Variants in ULK2 observed in about 807,000 individuals in gnomAD.
The protein encoded by ULK2 is serine/threonine-protein kinase ULK2.
Under a neutral mutation model 127.5 loss-of-function variants are expected in ULK2, and 76 were observed. The ratio of observed to expected loss-of-function variants is 0.60; its 90% confidence interval spans 0.50 to 0.72. The LOEUF (loss-of-function observed/expected upper bound fraction) is 0.72. Ranked by LOEUF, ULK2 falls within the 30% of genes least tolerant of loss-of-function variation. The probability of loss-of-function intolerance (pLI) is 0.00; values close to 1 mark genes in which losing one functional copy is unlikely to be tolerated. For synonymous variants in ULK2, 452 were observed against 461.9 expected (o/e 0.98, Z 0.28); for missense variants, 1,144 against 1,295.9 (o/e 0.88, Z 1.80).
chr17:19,779,531 C>CAAAAA (rs55957234), intron 25 of ULK2, among the ~76,000 whole-genome samples: 5 of 67,980 alleles, frequency 7.4e-5, no homozygotes, highest in African/African-American at 1.2e-4. Context: ...AACTCCATCT[C>CAAAAA]AAAAAAAAAA....
intron 20 of ULK2, among the ~76,000 whole-genome samples, chr17:19,791,010 A>G (rs1287502786): frequency 6.6e-6 from 1 of 152,220 alleles, no homozygotes; most frequent in Non-Finnish European, 1.5e-5. Flanking sequence ...ATATAAAGCA[A>G]ATATTGTTAG....
intron 3 of ULK2, among the ~76,000 whole-genome samples, chr17:19,850,853 C>T (rs2041998461): frequency 1.3e-5 from 2 of 151,570 alleles, no homozygotes; most frequent in Non-Finnish European, 2.9e-5. Context: ...ATAGATAGGT[C>T]TAGATCGATC....
chr17:19,812,541 A>G (rs2087666278), intron 13 of ULK2, among the ~76,000 whole-genome samples: 1 of 152,218 alleles, frequency 6.6e-6, no homozygotes, highest in African/African-American at 2.4e-5. Flanking sequence ...CACAAAGCCT[A>G]TTTTATGAAG....
Position 19,777,683 on chromosome 17 carries a change from G to C in ULK2, c.2950C>G (p.Gln984Glu). 1 of 1,613,916 alleles carries C rather than the reference G, an allele frequency of 6.2e-7. No homozygotes were observed. The highest frequency in any genetic ancestry group is 1.6e-4 in the Middle Eastern group (1 of 6,062). ...TAGCGATAAACAATATCTTCGGTCT[G>C]CTGAAACATCTCATCCAGGGCTGCA... ...QSAALDEMFQ[Q>E]TEDIVYRYHK... The change falls in exon 26 of 27, where the codon CAG (glutamine) becomes GAG (glutamate). Residue 984 changes from glutamine (Q) to glutamate (E), a missense_variant. Gln to Glu is a conservative substitution (Grantham distance 29). Coordinates refer to ENST00000395544, the MANE Select transcript of ULK2 (RefSeq NM_014683.4).
Position 19,859,829 on chromosome 17 carries a change from G to A in ULK2, c.225+4974C>T, listed in dbSNP as rs114464618. Among the ~76,000 whole-genome samples the A allele has an allele frequency of 9.5e-3, 1,445 of 152,094 alleles. 24 individuals are homozygous for A. Among genetic ancestry groups the A allele is most frequent in the African/African-American group, 0.032 (1,339 of 41,502 alleles). On this transcript the variant is annotated intron_variant, in intron 3 of 26. Coordinates refer to ENST00000395544, the MANE Select transcript of ULK2 (RefSeq NM_014683.4). Reference sequence around the variant, plus strand: ...CAAGTAGCTGGGATCACAGGTATGCGCCACCACATCTGGCTAACTTTATTT... The same window carrying A: ...CAAGTAGCTGGGATCACAGGTATGCACCACCACATCTGGCTAACTTTATTT...
intron 21 of ULK2, among the ~76,000 whole-genome samples, chr17:19,784,731 GC>G (rs1380044303): frequency 6.6e-6 from 1 of 151,648 alleles, no homozygotes; most frequent in Non-Finnish European, 1.5e-5. Flanking sequence ...TCACCATGTT[GC>G]CCAGGCTGGT....
At chr17:19,832,092 C>T (rs2041467752) in intron 10 of ULK2, among the ~76,000 whole-genome samples, 1 of 151,350 alleles carries the variant, frequency 6.6e-6, no homozygotes, top group Non-Finnish European at 1.5e-5. Flanking sequence ...GACGCCACTG[C>T]ACTCCAGCGT....
At chr17:19,838,392 AAAG>A in intron 10 of ULK2, 106 bp downstream of exon 10, 1 of 987,850 alleles carries the variant, frequency 1.0e-6, no homozygotes. Flanking sequence ...AAATAAACAA[AAAG>A]AAAAGTGAAA....
chr17:19,829,563 C>G, intron 10 of ULK2, among the ~76,000 whole-genome samples: 2 of 97,168 alleles, frequency 2.1e-5, no homozygotes, highest in African/African-American at 7.7e-5. Context: ...GGGGGCTGGG[C>G]ACGGTAGCTC....
At chr17:19,821,884 C>T (rs1181573439) in intron 12 of ULK2, among the ~76,000 whole-genome samples, 1 of 151,894 alleles carries the variant, frequency 6.6e-6, no homozygotes, top group Non-Finnish European at 1.5e-5. Context: ...CGGGATTTCA[C>T]CATGTTGCCC....
chr17:19,822,392 C>T (rs1313005161), intron 12 of ULK2, among the ~76,000 whole-genome samples: 1 of 151,296 alleles, frequency 6.6e-6, no homozygotes, highest in Non-Finnish European at 1.5e-5. Flanking sequence ...GATAGAGTCT[C>T]GCTCTGTTAC....
At chr17:19,800,164 A>G (rs779401604) in intron 16 of ULK2, among the ~76,000 whole-genome samples, 2 of 152,096 alleles carry the variant, frequency 1.3e-5, no homozygotes, top group Non-Finnish European at 2.9e-5. Flanking sequence ...CTCCTTTTCC[A>G]GGTGTTGGAC....
chr17:19,839,547 A>C (rs2041685521), intron 9 of ULK2, among the ~76,000 whole-genome samples: 1 of 151,756 alleles, frequency 6.6e-6, no homozygotes, highest in South Asian at 2.1e-4. Flanking sequence ...CTGTAGTCCT[A>C]GCTACCTGAG....
intron 20 of ULK2, among the ~76,000 whole-genome samples, chr17:19,792,503 C>T (rs1161465882): frequency 6.6e-6 from 1 of 152,182 alleles, no homozygotes; most frequent in African/African-American, 2.4e-5. Context: ...TTTCAGCCTC[C>T]AGAATGGTAA....
intron 5 of ULK2, 87 bp downstream of exon 5, chr17:19,849,282 A>G: frequency 1.7e-6 from 2 of 1,159,566 alleles, no homozygotes; most frequent in Middle Eastern, 1.9e-4. Flanking sequence ...AGAGCAGAAA[A>G]TGGGTAGTGT....
chr17:19,782,081 A>C lies in ULK2; in HGVS notation c.2461-14T>G. 1 of 1,611,832 alleles carries C rather than the reference A, an allele frequency of 6.2e-7. No homozygotes were observed. The highest frequency in any genetic ancestry group is 8.5e-7 in the Non-Finnish European group (1 of 1,178,638). On this transcript the variant is annotated splice_polypyrimidine_tract_variant and intron_variant, in intron 22 of 26. Coordinates refer to ENST00000395544, the MANE Select transcript of ULK2 (RefSeq NM_014683.4). ...TGTGTGTTCCCGCTGCAGCAAAGTC[A>C]ATTTGTCTTAGAAAATTTCAGATTA... is the stretch of plus-strand genomic sequence containing the variant.
At chr17:19,834,354 A>AT (rs1392369267) in intron 10 of ULK2, among the ~76,000 whole-genome samples, 8 of 152,120 alleles carry the variant, frequency 5.3e-5, no homozygotes, top group African/African-American at 1.9e-4. Context: ...TACATTATAT[A>AT]TTTTTCTCTT....
At chr17:19,801,486 T>C (rs2087396482) in intron 16 of ULK2, among the ~76,000 whole-genome samples, 1 of 151,872 alleles carries the variant, frequency 6.6e-6, no homozygotes, top group Non-Finnish European at 1.5e-5. Context: ...GAGACTGAGG[T>C]GAAAAGATCC....
At chr17:19,812,056 T>G (rs2087653578) in intron 13 of ULK2, among the ~76,000 whole-genome samples, 1 of 152,144 alleles carries the variant, frequency 6.6e-6, no homozygotes, top group Admixed American at 6.5e-5. Flanking sequence ...TTGACTTAGT[T>G]GACCCAAGAA....
Sources: allele counts gnomAD v4.1 joint callset (sites outside exome capture counted in the v4.1 genomes callset), GRCh38; gene constraint gnomAD v4.1.1; transcripts MANE v1.5; gene names NCBI Gene and HGNC (gene_info 2026-07-23, HGNC 2026-07-21).